The following LEPR variants were observed in gnomAD, a reference collection of about 807,000 sequenced individuals.
LEPR encodes OB receptor.
LEPR carries 56 observed loss-of-function variants against 114.7 expected under a neutral mutation model. The ratio of observed to expected loss-of-function variants is 0.49; its 90% CI spans 0.39 to 0.61. The LOEUF (loss-of-function observed/expected upper bound fraction) is 0.61. LEPR is among the 20% of genes least tolerant of loss of function. LEPR has a pLI of 0.00. For synonymous variants in LEPR, 443 were observed against 461.4 expected (o/e 0.96, Z 0.51); for missense variants, 1,202 against 1,352.9 (o/e 0.89, Z 1.75).
At chr1:65,595,623 A>C (rs886325213) in intron 6 of LEPR, among the ~76,000 whole-genome samples, 2 of 152,122 alleles carry the variant, frequency 1.3e-5, no homozygotes, top group Non-Finnish European at 2.9e-5. Context: ...AAAATATAGA[A>C]TGTGAAAATT....
intron 2 of LEPR, among the ~76,000 whole-genome samples, chr1:65,429,011 C>T (rs1646432878): frequency 6.6e-6 from 1 of 151,962 alleles, no homozygotes. Flanking sequence ...TTATTTTATT[C>T]ATTTAACAAG....
At chr1:65,578,973 T>C (rs1417942369) in intron 5 of LEPR, among the ~76,000 whole-genome samples, 1 of 152,164 alleles carries the variant, frequency 6.6e-6, no homozygotes, top group Admixed American at 6.5e-5. Context: ...TATCTGGACA[T>C]TGAATGTCCC....
chr1:65,447,476 T>G (rs567536132), intron 2 of LEPR, among the ~76,000 whole-genome samples: 1 of 152,160 alleles, frequency 6.6e-6, no homozygotes, highest in Non-Finnish European at 1.5e-5. Flanking sequence ...GTTGGATTTA[T>G]ACCGAAGTAG....
chr1:65,569,575 G>C (rs6671498), intron 3 of LEPR, among the ~76,000 whole-genome samples: 101,040 of 151,434 alleles, frequency 0.67, 34,072 homozygotes, highest in East Asian at 0.93. Context: ...GGTGTGGTGG[G>C]AGGTGCCTGT....
chr1:65,528,544 T>C (rs1009019331), intron 2 of LEPR, among the ~76,000 whole-genome samples: 1 of 151,972 alleles, frequency 6.6e-6, no homozygotes, highest in Non-Finnish European at 1.5e-5. Flanking sequence ...CTTATTAATA[T>C]TTAAAATATT....
At chr1:65,616,474 T>C (rs996807487) in intron 15 of LEPR, among the ~76,000 whole-genome samples, 2 of 152,168 alleles carry the variant, frequency 1.3e-5, no homozygotes, top group African/African-American at 2.4e-5. Context: ...AATGTTTTAG[T>C]GAATCTAATA....
intron 2 of LEPR, chr1:65,434,155 A>G (rs1254562390): frequency 2.0e-6 from 2 of 984,134 alleles, no homozygotes; most frequent in African/African-American, 3.5e-5. Flanking sequence ...TTGAAGTGAT[A>G]GATTATTAGA....
chr1:65,587,443 G>A (rs1185854273), intron 5 of LEPR, among the ~76,000 whole-genome samples: 1 of 152,026 alleles, frequency 6.6e-6, no homozygotes, highest in African/African-American at 2.4e-5. Context: ...AATATTTTAT[G>A]GGTGGATAGC....
intron 2 of LEPR, among the ~76,000 whole-genome samples, chr1:65,467,323 C>G (rs79601399): frequency 6.6e-6 from 1 of 152,244 alleles, no homozygotes; most frequent in East Asian, 1.9e-4. Flanking sequence ...TGCTGGAGGT[C>G]CACTCCAGAC....
intron 2 of LEPR, among the ~76,000 whole-genome samples, chr1:65,487,903 CT>C (rs993541127): frequency 4.0e-5 from 6 of 151,352 alleles, no homozygotes; most frequent in Non-Finnish European, 7.4e-5. Context: ...CCTTTTCTTT[CT>C]TTCTTTTTTC....
Position 65,425,212 on chromosome 1 carries a change from C to T in LEPR, c.-96-91C>T. 4.9e-6 allele frequency: 5 copies of T among 1,027,822 alleles called. 1 individual carries two copies. In the South Asian group the frequency reaches 6.8e-5, roughly 14 times the overall value. The allele number at this position is 1,027,822 out of a possible 1,614,324, so 63.7% of individuals were successfully genotyped here. On this transcript the variant is annotated intron_variant, in intron 1 of 19. Transcript: ENST00000349533. ...CTCATCCGCCAAAGAAACTCTGGAC[C>T]TATTAGAAGTCACTCCCCATTTCCC...
At chr1:65,575,346 T>C (rs1425605115) in intron 5 of LEPR, among the ~76,000 whole-genome samples, 2 of 147,460 alleles carry the variant, frequency 1.4e-5, no homozygotes, top group Non-Finnish European at 2.9e-5. Flanking sequence ...TTCACTTCAT[T>C]GGCTCATTGG....
chr1:65,635,485 A>G, intron 19 of LEPR: 1 of 600,848 alleles, frequency 1.7e-6, no homozygotes, highest in Non-Finnish European at 2.1e-6. Flanking sequence ...TTTTACGTGA[A>G]GTTATTTATA....
chr1:65,549,483 C>T (rs563677206), intron 2 of LEPR, among the ~76,000 whole-genome samples: 2,530 of 152,272 alleles, frequency 0.017, 69 homozygotes, highest in African/African-American at 0.058. Flanking sequence ...TTCACATAGT[C>T]CCATATTTCT....
At chr1:65,468,461 C>T (rs1202676030) in intron 2 of LEPR, among the ~76,000 whole-genome samples, 1 of 152,134 alleles carries the variant, frequency 6.6e-6, no homozygotes, top group Non-Finnish European at 1.5e-5. Context: ...TAAAACCATT[C>T]TAAAATAAAA....
At chr1:65,591,941 G>A (rs1655725701) in intron 5 of LEPR, among the ~76,000 whole-genome samples, 1 of 150,644 alleles carries the variant, frequency 6.6e-6, no homozygotes, top group Non-Finnish European at 1.5e-5. Context: ...AATATCCTTT[G>A]TTGCTTATTA....
intron 2 of LEPR, among the ~76,000 whole-genome samples, chr1:65,494,972 G>A (rs960734832): frequency 3.9e-5 from 6 of 151,930 alleles, no homozygotes; most frequent in Non-Finnish European, 7.4e-5. Flanking sequence ...GAAAACATAA[G>A]GGAAATGCTT....
Position 65,524,252 on chromosome 1 carries a change from G to A in LEPR, c.-20-41294G>A, listed in dbSNP as rs182275132. 1.3e-3 allele frequency among the ~76,000 whole-genome samples: 193 copies of A among 152,290 alleles called. 1 individual carries two copies. Among genetic ancestry groups the A allele is most frequent in the Admixed American group, 7.8e-3 (119 of 15,302 alleles). On this transcript the variant is annotated intron_variant, in intron 2 of 19. Transcript: ENST00000349533. ...TATTGTTTTGTTTTCTAAATAGTCT[G>A]CAGAAACCTACCTCAATTTTTGTCT...
At chr1:65,483,706 C>G (rs1453733929) in intron 2 of LEPR, among the ~76,000 whole-genome samples, 1 of 152,084 alleles carries the variant, frequency 6.6e-6, no homozygotes, top group African/African-American at 2.4e-5. Flanking sequence ...CTCGATTATT[C>G]TTTTATATTT....
Sources: allele counts gnomAD v4.1 joint callset (sites outside exome capture counted in the v4.1 genomes callset), GRCh38; gene constraint gnomAD v4.1.1; transcripts MANE v1.5; gene names NCBI Gene and HGNC (gene_info 2026-07-23, HGNC 2026-07-21).